CRYBG3: variants seen among roughly 807,000 people sequenced by gnomAD.
The protein encoded by CRYBG3 is very large A-kinase anchor protein.
CRYBG3 carries 127 observed loss-of-function variants against 244.2 expected under a neutral mutation model. The ratio of observed to expected loss-of-function variants is 0.52; its 90% CI spans 0.45 to 0.60. The LOEUF (loss-of-function observed/expected upper bound fraction) is 0.60, where lower values mean the gene tolerates loss of function less well. Ranked by LOEUF, CRYBG3 falls within the 20% of genes least tolerant of loss-of-function variation. The pLI is 0.00. For missense variants in CRYBG3, 3,325 were observed against 3,442.5 expected (o/e 0.97, Z 0.85); for synonymous variants, 1,132 against 1,195.8 (o/e 0.95, Z 1.10).
At chr3:97,939,260 T>A (rs923718269) in intron 19 of CRYBG3, among the ~76,000 whole-genome samples, 9 of 152,076 alleles carry the variant, frequency 5.9e-5, no homozygotes, top group African/African-American at 1.4e-4. Flanking sequence ...CCTATTCTGA[T>A]TAAACATTTA....
Position 97,875,084 on chromosome 3 carries a change from T to A in CRYBG3, c.3890T>A (p.Val1297Glu), listed in dbSNP as rs561310451. Residue 1297 changes from valine to glutamate, a missense_variant, in exon 4 of 22, where the codon GTA becomes GAA. Transcript: ENST00000389622. Reference sequence around the variant, plus strand: ...CTTGTTGATCCTAATAGTATGAATGTATCTTGTTTGTTAGAAGATAAAGCT... The same window carrying A: ...CTTGTTGATCCTAATAGTATGAATGAATCTTGTTTGTTAGAAGATAAAGCT... ...NLLVDPNSMN[V>E]SCLLEDKARE... The A allele has an allele frequency of 1.7e-5, 26 of 1,533,988 alleles. No individual in the cohort carries two copies. In the Admixed American group the frequency reaches 3.0e-4, roughly 17 times the overall value.
chr3:97,889,160 G>A (rs1225950497), intron 9 of CRYBG3, among the ~76,000 whole-genome samples, 195 bp from the exon 10 acceptor site: 1 of 152,124 alleles, frequency 6.6e-6, no homozygotes, highest in Non-Finnish European at 1.5e-5. Flanking sequence ...CATTGATGAG[G>A]AACACTATAA....
chr3:97,907,546 A>G (rs1226556065), intron 15 of CRYBG3, among the ~76,000 whole-genome samples: 1 of 148,760 alleles, frequency 6.7e-6, no homozygotes, highest in Non-Finnish European at 1.5e-5. Context: ...AGGTGTTTGT[A>G]GTATTCTCTG....
At position 97,877,656 on chromosome 3, in the gene CRYBG3, G is replaced by T. The variant is rs1387471206; in HGVS notation, c.6462G>T (p.Glu2154Asp). 1.2e-6 allele frequency: 2 copies of T among 1,614,122 alleles called. No homozygotes were observed. Among genetic ancestry groups the T allele is most frequent in the Admixed American group, 3.3e-5 (2 of 60,012 alleles). Reference sequence around the variant, plus strand: ...CTGATGAGGAAGAAGAGGAGGAGGAGGCAGCAGTATTGCATAAAGGAGATC... The same window carrying T: ...CTGATGAGGAAGAAGAGGAGGAGGATGCAGCAGTATTGCATAAAGGAGATC... ...EAADEEEEEE[E>D]AAVLHKGDLR... The change falls in exon 4 of 22, where the codon GAG (glutamate) becomes GAT (aspartate). Residue 2154 changes from glutamate (E) to aspartate (D), a missense_variant. Glu to Asp is a conservative substitution (Grantham distance 45, BLOSUM62 2). This residue lies in a region of CRYBG3 where 450 missense variants were observed against 424.1 expected (regional missense o/e 1.06). Transcript: ENST00000389622.
intron 3 of CRYBG3, among the ~76,000 whole-genome samples, chr3:97,868,201 G>C (rs149815282): frequency 6.6e-6 from 1 of 151,130 alleles, no homozygotes; most frequent in African/African-American, 2.4e-5. Flanking sequence ...GGAGAATGGC[G>C]TGAACCCAGG....
chr3:97,874,846 A>C lies in CRYBG3; in HGVS notation c.3652A>C (p.Lys1218Gln). The C allele has an allele frequency of 6.5e-7, 1 of 1,535,908 alleles. No individual in the cohort carries two copies. Among genetic ancestry groups the C allele is most frequent in the Non-Finnish European group, 8.7e-7 (1 of 1,146,796 alleles). ...FNSVREELKF[K>Q]HTVSTCQEHI... Reference sequence around the variant, plus strand: ...TTCTGTCAGGGAAGAACTAAAATTCAAACACACAGTGAGTACCTGCCAGGA... The same window carrying C: ...TTCTGTCAGGGAAGAACTAAAATTCCAACACACAGTGAGTACCTGCCAGGA... Residue 1218 changes from lysine (K) to glutamine (Q), a missense_variant, in exon 4 of 22, where the codon AAA becomes CAA. Transcript: ENST00000389622.
chr3:97,890,144 T>C (rs951046510), intron 10 of CRYBG3, among the ~76,000 whole-genome samples: 3 of 152,326 alleles, frequency 2.0e-5, no homozygotes, highest in South Asian at 4.1e-4. Flanking sequence ...GCCACATAGA[T>C]GTAGTCTTTT....
At chr3:97,911,564 AT>A (rs2039872298) in intron 15 of CRYBG3, among the ~76,000 whole-genome samples, 2 of 152,284 alleles carry the variant, frequency 1.3e-5, no homozygotes, top group Non-Finnish European at 2.9e-5. Flanking sequence ...TAACACAGAT[AT>A]CTTTCTTTCT....
At chr3:97,896,349 A>C (rs1169143809) in intron 12 of CRYBG3, among the ~76,000 whole-genome samples, 1 of 152,072 alleles carries the variant, frequency 6.6e-6, no homozygotes, top group Non-Finnish European at 1.5e-5. Flanking sequence ...CTCAACCCCC[A>C]CATTTACACA....
chr3:97,849,723 C>T (rs905747744), intron 2 of CRYBG3, among the ~76,000 whole-genome samples: 1 of 152,182 alleles, frequency 6.6e-6, no homozygotes, highest in Non-Finnish European at 1.5e-5. Context: ...CATGTATGTA[C>T]TCTAGATTTT....
intron 2 of CRYBG3, among the ~76,000 whole-genome samples, chr3:97,843,540 G>A (rs750892825): frequency 6.6e-6 from 1 of 152,146 alleles, no homozygotes; most frequent in Admixed American, 6.6e-5. Context: ...TAACTTCTTC[G>A]TGTCTTTGCT....
At chr3:97,898,471 A>T (rs1482792747) in intron 12 of CRYBG3, among the ~76,000 whole-genome samples, 2 of 152,112 alleles carry the variant, frequency 1.3e-5, no homozygotes, top group African/African-American at 4.8e-5. Context: ...TAAGCAAATT[A>T]TATCTATTTT....
chr3:97,886,904 G>T lies in CRYBG3; in HGVS notation c.7289+137G>T, dbSNP rs139351624. The T allele has an allele frequency of 1.0e-5, 7 of 670,164 alleles. No homozygotes were observed. In the African/African-American group the frequency reaches 1.1e-4, roughly 11 times the overall value. 41.5% of individuals were successfully genotyped at this position (670,164 alleles called of 1,614,324 possible). A position where few individuals can be genotyped will look rare whatever the true frequency, so the allele number is the denominator to read the frequency against. On this transcript the variant is annotated intron_variant, in intron 8 of 21. Transcript: ENST00000389622. Reference sequence around the variant, plus strand: ...CCAAGAAAGACTGCAGGGGTTAAAAGATTCTTTGGATCTAATTAGAGCTTT... The same window carrying T: ...CCAAGAAAGACTGCAGGGGTTAAAATATTCTTTGGATCTAATTAGAGCTTT...
chr3:97,844,348 C>T (rs2038868129), intron 2 of CRYBG3, among the ~76,000 whole-genome samples: 1 of 152,116 alleles, frequency 6.6e-6, no homozygotes. Flanking sequence ...GGCTCTATAG[C>T]TGCTGCTGAT....
chr3:97,895,170 T>C (rs1217681638), intron 11 of CRYBG3, among the ~76,000 whole-genome samples: 1 of 152,218 alleles, frequency 6.6e-6, no homozygotes, highest in Admixed American at 6.5e-5. Context: ...AGTCTAACTA[T>C]GCAGTGTGGC....
Position 97,899,215 on chromosome 3 carries a change from C to T in CRYBG3, c.7923C>T (p.Asp2641=). Residue 2641 remains aspartate, a synonymous_variant, in exon 14 of 22, where the codon GAC becomes GAT. Transcript: ENST00000389622. The part of the protein sequence containing the change: ...LEKGKYKCFF[D]WGGSNNIIMS... Reference sequence around the variant, plus strand: ...AAGGGAAATACAAATGCTTTTTTGACTGGGGAGGATCAAATAATATAATCA... The same window carrying T: ...AAGGGAAATACAAATGCTTTTTTGATTGGGGAGGATCAAATAATATAATCA... 6.2e-7 allele frequency: 1 copy of T among 1,613,244 alleles called. No individual in the cohort carries two copies. The highest frequency in any genetic ancestry group is 1.1e-5 in the South Asian group (1 of 91,016).
intron 10 of CRYBG3, 96 bp downstream of exon 10, chr3:97,889,486 CA>C: frequency 9.7e-7 from 1 of 1,036,054 alleles, no homozygotes; most frequent in Non-Finnish European, 1.5e-6. Flanking sequence ...AGTACCTCCA[CA>C]TATGATTATA....
chr3:97,933,638 G>A, intron 17 of CRYBG3, 56 bp from the exon 18 acceptor site: 1 of 1,571,034 alleles, frequency 6.4e-7, no homozygotes, highest in South Asian at 1.1e-5. Flanking sequence ...GTTCAGACTG[G>A]GATGTCACTG....
intron 15 of CRYBG3, among the ~76,000 whole-genome samples, chr3:97,901,446 TA>T (rs781163874): frequency 6.6e-6 from 1 of 152,190 alleles, no homozygotes; most frequent in Non-Finnish European, 1.5e-5. Context: ...CAGACCAGCT[TA>T]GTTTTACCAG....
Sources: gnomAD v4.1 joint callset for allele counts (sites outside exome capture counted in the v4.1 genomes callset) on GRCh38, gnomAD v4.1.1 for gene constraint, gnomAD v4.1.1 regional missense constraint, MANE v1.5 for transcripts, NCBI Gene and HGNC (gene_info 2026-07-23, HGNC 2026-07-21) for gene names.